Variants in ADGRG2 observed in about 807,000 individuals in gnomAD.
ADGRG2 encodes adhesion G protein-coupled receptor G2.
A neutral mutation model predicts 74.1 loss-of-function variants in ADGRG2; 26 were observed. The ratio of observed to expected loss-of-function variants is 0.35; its 90% CI spans 0.26 to 0.49. The LOEUF is 0.49. Among genes scored for constraint, ADGRG2 ranks in the 20% least tolerant of loss-of-function variants. The pLI, the probability that ADGRG2 is intolerant of heterozygous loss-of-function variation, is 0.99. For missense variants in ADGRG2, 619 were observed against 763.1 expected (o/e 0.81, Z 2.22); for synonymous variants, 296 against 295.2 (o/e 1.00, Z -0.03).
chrX:19,093,893 A>G (rs191525946), intron 1 of ADGRG2, among the ~76,000 whole-genome samples: 20 of 96,754 alleles, frequency 2.1e-4, no homozygotes, highest in Admixed American at 9.2e-4. Flanking sequence ...TAAATGTGGT[A>G]TGTAGGTATA....
intron 1 of ADGRG2, among the ~76,000 whole-genome samples, chrX:19,104,035 G>A (rs2062235680): frequency 9.0e-6 from 1 of 111,647 alleles, no homozygotes; most frequent in Admixed American, 9.6e-5. Context: ...TTCAGTCTGG[G>A]GAAGAAGGCA....
At chrX:19,053,926 A>G (rs1203964368) in intron 3 of ADGRG2, among the ~76,000 whole-genome samples, 2 of 111,559 alleles carry the variant, frequency 1.8e-5, no homozygotes, top group Non-Finnish European at 3.8e-5. Context: ...TAAAAACATC[A>G]GATCTCATGA....
intron 1 of ADGRG2, among the ~76,000 whole-genome samples, chrX:19,109,674 C>T (rs1467829915): frequency 8.9e-6 from 1 of 111,824 alleles, no homozygotes; most frequent in Non-Finnish European, 1.9e-5. Context: ...ATGCCACTTC[C>T]TTTGCTATCC....
At chrX:19,015,374 C>T (rs753962390) in intron 15 of ADGRG2, among the ~76,000 whole-genome samples, 3 of 112,179 alleles carry the variant, frequency 2.7e-5, no homozygotes, top group East Asian at 5.6e-4. Flanking sequence ...CCCTGAGGTT[C>T]GGGGCAGTGA....
chrX:19,000,244 G>A lies in ADGRG2; in HGVS notation c.2231-284C>T, dbSNP rs2060102819. 2.7e-5 allele frequency among the ~76,000 whole-genome samples: 3 copies of A among 111,565 alleles called. No individual in the cohort carries two copies. The Admixed American group carries it at 2.9e-4, about 11-fold the overall frequency. ...GATCTCCTGACCTCGTGATCTGCCC[G>A]CCTCGGTCTCCCAAAGTGCTGGGAT... On this transcript the variant is annotated intron_variant, in intron 24 of 28. Transcript: ENST00000379869.
chrX:19,092,319 A>G (rs1980093796), intron 1 of ADGRG2, among the ~76,000 whole-genome samples: 1 of 111,510 alleles, frequency 9.0e-6, no homozygotes, highest in Non-Finnish European at 1.9e-5. Context: ...CCCCTGCAAC[A>G]ACTTGAAAAT....
At chrX:19,009,462 G>A (rs1455075315) in intron 18 of ADGRG2, among the ~76,000 whole-genome samples, 164 bp downstream of exon 18, 1 of 111,854 alleles carries the variant, frequency 8.9e-6, no homozygotes, top group Non-Finnish European at 1.9e-5. Flanking sequence ...ACAGGTGTGA[G>A]CCATGGCACC....
Position 19,014,331 on chromosome X carries a change from T to C in ADGRG2, c.711-257A>G, listed in dbSNP as rs113061107. Among the ~76,000 whole-genome samples, 602 of 111,558 alleles carry C rather than the reference T, an allele frequency of 5.4e-3. 2 individuals carry two copies. Among genetic ancestry groups the C allele is most frequent in the African/African-American group, 0.019 (574 of 30,690 alleles). ...CTTCTGTGACTCCCCAGTTCACTGC[T>C]GCTCTGTGGCTCTGTGTCTCATGGT... On this transcript the variant is annotated intron_variant, in intron 15 of 28. Coordinates refer to ENST00000379869, the MANE Select transcript of ADGRG2 (RefSeq NM_001079858.3).
At position 19,102,937 on chromosome X, in the gene ADGRG2, C is replaced by T. The variant is rs553719639; in HGVS notation, c.-47+19505G>A. ...ATCTATGGTATTTTGTTCTGGCAGC[C>T]CAAGTTGACTAAGAAAGTTACAGGG... On this transcript the variant is annotated intron_variant, in intron 1 of 28. Coordinates refer to ENST00000379869, the MANE Select transcript of ADGRG2 (RefSeq NM_001079858.3). Among the ~76,000 whole-genome samples the T allele has an allele frequency of 2.3e-4, 26 of 111,359 alleles. No individual in the cohort carries two copies. The Middle Eastern group carries it at 0.032, about 139-fold the overall frequency.
intron 1 of ADGRG2, among the ~76,000 whole-genome samples, chrX:19,109,618 T>C (rs1440872408): frequency 1.8e-5 from 2 of 111,828 alleles, no homozygotes; most frequent in Non-Finnish European, 3.8e-5. Context: ...AGAGCTAACG[T>C]TGAAATGGGC....
chrX:19,006,307 CT>C, intron 20 of ADGRG2, 42 bp from the exon 21 acceptor site: 4 of 725,865 alleles, frequency 5.5e-6, no homozygotes, highest in Admixed American at 3.4e-5. Context: ...ATTTACTGAA[CT>C]AAAAAAAAAA....
intron 3 of ADGRG2, among the ~76,000 whole-genome samples, chrX:19,045,372 A>G (rs2061163517): frequency 9.3e-6 from 1 of 107,514 alleles, no homozygotes; most frequent in Non-Finnish European, 1.9e-5. Flanking sequence ...CAGTGGCGCA[A>G]TCTCGGCTCA....
chrX:19,064,240 C>T (rs1053898835), intron 3 of ADGRG2, among the ~76,000 whole-genome samples: 2 of 112,378 alleles, frequency 1.8e-5, no homozygotes, highest in Non-Finnish European at 3.8e-5. Flanking sequence ...GCACCAATAG[C>T]ATCTGCTATA....
intron 1 of ADGRG2, among the ~76,000 whole-genome samples, chrX:19,093,486 C>T (rs1389512764): frequency 8.9e-6 from 1 of 111,788 alleles, no homozygotes; most frequent in Non-Finnish European, 1.9e-5. Flanking sequence ...TGCTCATGGT[C>T]ATAAGAACAC....
chrX:19,038,934 A>G (rs899074272), intron 4 of ADGRG2, among the ~76,000 whole-genome samples: 4 of 112,249 alleles, frequency 3.6e-5, no homozygotes, highest in Non-Finnish European at 5.6e-5. Context: ...TGGCGAGATC[A>G]AAAGAGCTTG....
chrX:18,996,759 C>A (rs1044173988), intron 26 of ADGRG2, among the ~76,000 whole-genome samples: 7 of 111,144 alleles, frequency 6.3e-5, no homozygotes, highest in Non-Finnish European at 1.3e-4. Flanking sequence ...CCACCTCTCA[C>A]CCACTCAGGT....
intron 28 of ADGRG2, among the ~76,000 whole-genome samples, chrX:18,993,536 C>T (rs983051728): frequency 9.3e-6 from 1 of 107,926 alleles, no homozygotes; most frequent in African/African-American, 3.4e-5. Flanking sequence ...AAAAAATTAG[C>T]CAGCCATGGT....
intron 3 of ADGRG2, among the ~76,000 whole-genome samples, chrX:19,051,123 G>A (rs2061312652): frequency 9.0e-6 from 1 of 111,701 alleles, no homozygotes; most frequent in South Asian, 3.8e-4. Flanking sequence ...CGCCCAGGCC[G>A]GACTGCAGTG....
chrX:18,992,728 A>T (rs1282351553), intron 28 of ADGRG2, among the ~76,000 whole-genome samples: 2 of 112,284 alleles, frequency 1.8e-5, no homozygotes, highest in African/African-American at 6.5e-5. Flanking sequence ...GCAGCCTTAA[A>T]ATGTACCCCC....
Sources: gnomAD v4.1 joint callset for allele counts (sites outside exome capture counted in the v4.1 genomes callset) on GRCh38, gnomAD v4.1.1 for gene constraint, MANE v1.5 for transcripts, NCBI Gene and HGNC (gene_info 2026-07-23, HGNC 2026-07-21) for gene names.